ZFHX3: variants seen among roughly 807,000 people sequenced by gnomAD.
The protein encoded by ZFHX3 is zinc finger homeobox 3, also known as zinc finger homeobox protein 3.
A neutral mutation model predicts 279.1 loss-of-function variants in ZFHX3; 42 were observed. The observed-to-expected ratio is 0.15, with a 90% CI of 0.12 to 0.19. The LOEUF (loss-of-function observed/expected upper bound fraction) is 0.19. ZFHX3 is among the 10% of genes least tolerant of loss of function. The pLI is 1.00. For synonymous variants in ZFHX3, 2,293 were observed against 1,957.8 expected (o/e 1.17, Z -4.52); for missense variants, 4,981 against 4,754.0 (o/e 1.05, Z -1.40).
At chr16:73,884,495 G>C (rs2030282739) in intron 1 of ZFHX3, among the ~76,000 whole-genome samples, 1 of 152,112 alleles carries the variant, frequency 6.6e-6, no homozygotes, top group Admixed American at 6.5e-5. Flanking sequence ...AAAGAAACAT[G>C]GAAAAATCAT....
intron 5 of ZFHX3, among the ~76,000 whole-genome samples, chr16:73,156,265 G>A (rs1967082443): frequency 6.8e-6 from 1 of 147,708 alleles, no homozygotes; most frequent in Non-Finnish European, 1.5e-5. Context: ...TATATATAAA[G>A]TGTTCTTTTC....
intron 5 of ZFHX3, among the ~76,000 whole-genome samples, chr16:73,187,175 C>T (rs1967931400): frequency 6.6e-6 from 1 of 152,002 alleles, no homozygotes; most frequent in Non-Finnish European, 1.5e-5. Context: ...CACACACACT[C>T]ACTCAGTGGG....
chr16:73,573,463 C>CAAA (rs199513115), intron 2 of ZFHX3, among the ~76,000 whole-genome samples: 1 of 149,160 alleles, frequency 6.7e-6, no homozygotes, highest in Non-Finnish European at 1.5e-5. Flanking sequence ...GTTTTGCCTG[C>CAAA]AAAAAAAAAG....
At chr16:73,053,366 G>T (rs367916966) in intron 1 of ZFHX3, among the ~76,000 whole-genome samples, 1 of 152,106 alleles carries the variant, frequency 6.6e-6, no homozygotes, top group Non-Finnish European at 1.5e-5. Flanking sequence ...GGGAGGCTGC[G>T]GGGGCAAGGC....
At chr16:73,313,766 T>A (rs1410359203) in intron 4 of ZFHX3, among the ~76,000 whole-genome samples, 3 of 152,170 alleles carry the variant, frequency 2.0e-5, no homozygotes. Flanking sequence ...GATGCTTAAT[T>A]TTATGTGTCA....
intron 2 of ZFHX3, among the ~76,000 whole-genome samples, chr16:73,618,857 T>C (rs1203334424): frequency 6.6e-6 from 1 of 152,176 alleles, no homozygotes; most frequent in Non-Finnish European, 1.5e-5. Flanking sequence ...CTCGGTAGTT[T>C]AGAAAATCGC....
At chr16:73,008,551 T>A (rs781288570) in intron 1 of ZFHX3, among the ~76,000 whole-genome samples, 1 of 152,188 alleles carries the variant, frequency 6.6e-6, no homozygotes, top group Middle Eastern at 3.2e-3. Flanking sequence ...TAACCACCAT[T>A]GGTCCTGGGG....
Position 73,578,368 on chromosome 16 carries a change from T to G in ZFHX3, c.-1547+101812A>C, listed in dbSNP as rs138750864. On this transcript the variant is annotated intron_variant, in intron 2 of 17. Coordinates refer to the ZFHX3 transcript ENST00000641206. ...ATGGTCTAGGGCTTTTGCTCAAGTTTCGTAGATGTTAAATGAAAAAAAAAA... is the reference window on the plus strand; with the variant it reads ...ATGGTCTAGGGCTTTTGCTCAAGTTGCGTAGATGTTAAATGAAAAAAAAAA... Among the ~76,000 whole-genome samples the G allele has an allele frequency of 5.0e-3, 716 of 143,934 alleles. 7 individuals are homozygous for G. The highest frequency in any genetic ancestry group is 0.018 in the African/African-American group (693 of 39,396). The allele number at this position is 143,934 out of a possible 152,430, so 94.4% of individuals were successfully genotyped here. A position where few individuals can be genotyped will look rare whatever the true frequency, so the allele number is the denominator to read the frequency against.
At chr16:73,807,637 T>C (rs1960315848) in intron 1 of ZFHX3, among the ~76,000 whole-genome samples, 1 of 143,118 alleles carries the variant, frequency 7.0e-6, no homozygotes, top group East Asian at 2.0e-4. Flanking sequence ...TTTTTTTTTT[T>C]TTTTTTTTTT....
At chr16:73,155,706 C>A (rs13339213) in intron 5 of ZFHX3, among the ~76,000 whole-genome samples, 4 of 151,838 alleles carry the variant, frequency 2.6e-5, no homozygotes, top group African/African-American at 2.4e-5. Context: ...GCATGTAACC[C>A]CAGCTACTCG....
chr16:73,035,834 G>A (rs1327246067), intron 1 of ZFHX3, among the ~76,000 whole-genome samples: 2 of 152,222 alleles, frequency 1.3e-5, no homozygotes, highest in African/African-American at 2.4e-5. Context: ...AACCCAGGAG[G>A]AGGAAGGCAC....
chr16:73,588,816 C>T (rs1263086796), intron 2 of ZFHX3, among the ~76,000 whole-genome samples: 2 of 151,644 alleles, frequency 1.3e-5, no homozygotes, highest in African/African-American at 4.8e-5. Context: ...CAAATAGTTT[C>T]TCTTTAACAA....
intron 7 of ZFHX3, among the ~76,000 whole-genome samples, chr16:73,120,077 C>T (rs966226998): frequency 6.6e-6 from 1 of 152,130 alleles, no homozygotes; most frequent in Admixed American, 6.6e-5. Flanking sequence ...CAATTTCCCC[C>T]ATACTAAGTG....
chr16:72,862,424 A>C (rs1391292637), intron 4 of ZFHX3, among the ~76,000 whole-genome samples: 1 of 152,258 alleles, frequency 6.6e-6, no homozygotes, highest in Non-Finnish European at 1.5e-5. Context: ...TGCAGTATTC[A>C]GGGTAAACAA....
chr16:73,430,843 C>T (rs60838562), intron 3 of ZFHX3, among the ~76,000 whole-genome samples: 53,274 of 152,030 alleles, frequency 0.35, 9,498 homozygotes, highest in East Asian at 0.53. Flanking sequence ...ACCCACTTAG[C>T]CCAAAAAGTC....
chr16:73,030,231 G>A (rs534790941), intron 1 of ZFHX3, among the ~76,000 whole-genome samples: 1 of 152,174 alleles, frequency 6.6e-6, no homozygotes, highest in Non-Finnish European at 1.5e-5. Context: ...GCTATAAAAT[G>A]TATGTGACCA....
chr16:72,899,485 T>C (rs775631128), intron 3 of ZFHX3, among the ~76,000 whole-genome samples: 1 of 152,200 alleles, frequency 6.6e-6, no homozygotes, highest in Non-Finnish European at 1.5e-5. Flanking sequence ...TAAACCTCTT[T>C]CCTTTAAAAA....
chr16:73,482,730 G>T (rs561079086), intron 2 of ZFHX3, among the ~76,000 whole-genome samples: 1 of 152,134 alleles, frequency 6.6e-6, no homozygotes, highest in East Asian at 1.9e-4. Flanking sequence ...GAGAGGTATC[G>T]CCTTCCACTG....
At position 73,565,425 on chromosome 16, in the gene ZFHX3, A is replaced by G. The variant is rs113709510; in HGVS notation, c.-1546-109167T>C. Among the ~76,000 whole-genome samples, 1,387 of 152,280 alleles carry G rather than the reference A, an allele frequency of 9.1e-3. 22 individuals are homozygous for G. The highest frequency in any genetic ancestry group is 0.032 in the African/African-American group (1,349 of 41,540). ...CCTCTGGTCCATTCTGTAACGTAGA[A>G]CTTCTAAAACTCAAGAGTAGTAACT... On this transcript the variant is annotated intron_variant, in intron 2 of 17. Coordinates refer to the ZFHX3 transcript ENST00000641206.
Sources: allele counts gnomAD v4.1 joint callset (sites outside exome capture counted in the v4.1 genomes callset), GRCh38; gene constraint gnomAD v4.1.1; transcripts MANE v1.5; gene names NCBI Gene and HGNC (gene_info 2026-07-23, HGNC 2026-07-21).